The following DLGAP2 variants were observed in gnomAD, a reference collection of about 807,000 sequenced individuals.
The protein encoded by DLGAP2 is DLG associated protein 2, also known as disks large-associated protein 2.
DLGAP2 carries 26 observed loss-of-function variants against 100.3 expected under a neutral mutation model. That is an observed-to-expected ratio of 0.26 (90% CI 0.19 to 0.36). The LOEUF is 0.36. Ranked by LOEUF, DLGAP2 falls within the 10% of genes least tolerant of loss-of-function variation. The pLI, the probability that DLGAP2 is intolerant of heterozygous loss-of-function variation, is 1.00. For synonymous variants in DLGAP2, 886 were observed against 630.1 expected (o/e 1.41, Z -6.08); for missense variants, 1,858 against 1,453.2 (o/e 1.28, Z -4.53).
chr8:881,979 C>T (rs956327979), intron 1 of DLGAP2, among the ~76,000 whole-genome samples: 50 of 152,188 alleles, frequency 3.3e-4, no homozygotes, highest in African/African-American at 1.1e-3. Flanking sequence ...CTCATAGCCT[C>T]GTGTGGTATA....
intron 2 of DLGAP2, among the ~76,000 whole-genome samples, chr8:1,124,136 G>A (rs1159804635): frequency 8.5e-5 from 13 of 152,188 alleles, no homozygotes; most frequent in Admixed American, 8.5e-4. Context: ...AAAATGTCAG[G>A]TGCTAATCTA....
chr8:1,517,071 C>T (rs1800417805), intron 4 of DLGAP2, among the ~76,000 whole-genome samples: 1 of 152,096 alleles, frequency 6.6e-6, no homozygotes, highest in Non-Finnish European at 1.5e-5. Flanking sequence ...GTAGAATCAC[C>T]CCATCTTGAA....
At chr8:1,696,691 A>C (rs1799406330) in intron 13 of DLGAP2, among the ~76,000 whole-genome samples, 6 of 152,206 alleles carry the variant, frequency 3.9e-5, no homozygotes, top group Admixed American at 3.9e-4. Context: ...GTAAGGTGTC[A>C]TCACCGTAAG....
chr8:1,100,525 C>T (rs11988219), intron 2 of DLGAP2, among the ~76,000 whole-genome samples: 2,217 of 134,978 alleles, frequency 0.016, 49 homozygotes, highest in African/African-American at 0.055. Context: ...TGTGTGTGTG[C>T]GTGCACGTGC....
chr8:1,422,027 G>C (rs1409458346), intron 3 of DLGAP2, among the ~76,000 whole-genome samples: 1 of 151,748 alleles, frequency 6.6e-6, no homozygotes, highest in Non-Finnish European at 1.5e-5. Flanking sequence ...AATCATAATA[G>C]CTGATATTTG....
intron 3 of DLGAP2, among the ~76,000 whole-genome samples, chr8:1,373,355 T>C (rs1329199507): frequency 6.6e-6 from 1 of 151,854 alleles, no homozygotes; most frequent in Non-Finnish European, 1.5e-5. Context: ...GCCTGGACCG[T>C]GGCCGCAGGT....
chr8:786,068 C>T (rs1189965824), intron 1 of DLGAP2, among the ~76,000 whole-genome samples: 5 of 152,184 alleles, frequency 3.3e-5, no homozygotes, highest in Admixed American at 2.0e-4. Flanking sequence ...GCTCGCTGCC[C>T]GCCGCCTCCG....
intron 2 of DLGAP2, among the ~76,000 whole-genome samples, chr8:1,064,057 G>A (rs1160106722): frequency 6.6e-6 from 1 of 151,162 alleles, no homozygotes; most frequent in East Asian, 1.9e-4. Context: ...AACGGGGTTT[G>A]CAGCCCAGGG....
intron 2 of DLGAP2, among the ~76,000 whole-genome samples, chr8:1,057,399 A>G (rs1160067256): frequency 6.6e-6 from 1 of 152,244 alleles, no homozygotes; most frequent in East Asian, 1.9e-4. Flanking sequence ...TGCTGCACGT[A>G]TTTTCCATTT....
chr8:1,651,631 C>G (rs4495455), intron 8 of DLGAP2, among the ~76,000 whole-genome samples: 6,102 of 152,268 alleles, frequency 0.04, 413 homozygotes, highest in African/African-American at 0.14. Context: ...TGGCCCACAG[C>G]TCCAATGGCT....
intron 3 of DLGAP2, among the ~76,000 whole-genome samples, chr8:1,359,953 C>T (rs1050561132): frequency 1.3e-5 from 2 of 152,198 alleles, no homozygotes; most frequent in East Asian, 1.9e-4. Context: ...GTCCTGAGTT[C>T]GTGGACGAGT....
chr8:1,440,041 T>A (rs899960043), intron 3 of DLGAP2, among the ~76,000 whole-genome samples: 6 of 152,250 alleles, frequency 3.9e-5, no homozygotes, highest in African/African-American at 1.4e-4. Context: ...ACAGATGTGG[T>A]TTAAAGACTC....
chr8:1,549,529 T>G lies in DLGAP2; in HGVS notation c.1076T>G (p.Leu359Arg). The part of the protein sequence containing the change: ...VKCSACEGLA[L>R]TPDAKYLKRS... ...TGCTCGGCCTGTGAGGGGTTGGCGCTGACGCCCGACGCCAAGTACCTGAAG... is the reference window on the plus strand; with the variant it reads ...TGCTCGGCCTGTGAGGGGTTGGCGCGGACGCCCGACGCCAAGTACCTGAAG... Residue 359 changes from leucine (L) to arginine (R), a missense_variant, in exon 5 of 15, where the codon CTG becomes CGG. Leu to Arg is a moderately radical substitution (Grantham distance 102, BLOSUM62 -2). Transcript: ENST00000637795. 3 of 1,613,378 alleles carry G rather than the reference T, an allele frequency of 1.9e-6. No individual in the cohort carries two copies. The highest frequency in any genetic ancestry group is 2.5e-6 in the Non-Finnish European group (3 of 1,179,850).
chr8:1,514,293 G>T (rs970176478), intron 4 of DLGAP2, among the ~76,000 whole-genome samples: 1 of 152,214 alleles, frequency 6.6e-6, no homozygotes, highest in African/African-American at 2.4e-5. Flanking sequence ...TTCCCAGAAG[G>T]CTTCCCGCAT....
At position 1,551,456 on chromosome 8, in the gene DLGAP2, C is replaced by T. The variant is rs555818425; in HGVS notation, c.1230+1773C>T. Among the ~76,000 whole-genome samples, 10 of 152,292 alleles carry T rather than the reference C, an allele frequency of 6.6e-5. No individual in the cohort carries two copies. In the South Asian group the frequency reaches 1.7e-3, roughly 25 times the overall value. ...TCCAATGCCTGCCACTCTCCCCAAG[C>T]CCCTCCAGCTGCGCCTTCTCCACAG... is the stretch of plus-strand genomic sequence containing the variant. On this transcript the variant is annotated intron_variant, in intron 5 of 14. Coordinates refer to ENST00000637795, the MANE Select transcript of DLGAP2 (RefSeq NM_001346810.2).
intron 3 of DLGAP2, among the ~76,000 whole-genome samples, chr8:1,493,950 A>G (rs1799467095): frequency 6.6e-6 from 1 of 152,266 alleles, no homozygotes; most frequent in Admixed American, 6.5e-5. Flanking sequence ...TGGACTCACA[A>G]GACTGGTGGG....
At chr8:1,181,893 C>T (rs1287582867) in intron 2 of DLGAP2, among the ~76,000 whole-genome samples, 3 of 152,130 alleles carry the variant, frequency 2.0e-5, no homozygotes, top group East Asian at 1.9e-4. Flanking sequence ...TCCCTGCAAT[C>T]CCAGGACGCA....
At chr8:1,084,461 G>A (rs900480052) in intron 2 of DLGAP2, among the ~76,000 whole-genome samples, 14 of 152,086 alleles carry the variant, frequency 9.2e-5, no homozygotes, top group African/African-American at 2.9e-4. Context: ...TCAGCATGCC[G>A]TGCTATTGAT....
intron 4 of DLGAP2, among the ~76,000 whole-genome samples, chr8:1,523,341 G>A (rs751902398): frequency 1.3e-5 from 2 of 152,232 alleles, no homozygotes; most frequent in African/African-American, 4.8e-5. Context: ...CGGGGTCACC[G>A]TCCCACTTCC....
Sources: gnomAD v4.1 joint callset for allele counts (sites outside exome capture counted in the v4.1 genomes callset) on GRCh38, gnomAD v4.1.1 for gene constraint, MANE v1.5 for transcripts, NCBI Gene and HGNC (gene_info 2026-07-23, HGNC 2026-07-21) for gene names.